Variants in KAT6B observed in about 807,000 individuals in gnomAD.
KAT6B encodes the protein lysine acetyltransferase 6B.
Under a neutral mutation model 187.5 loss-of-function variants are expected in KAT6B, and 10 were observed. That is an observed-to-expected ratio of 0.05 (90% confidence interval 0.03 to 0.09). The LOEUF (loss-of-function observed/expected upper bound fraction) is 0.09. Among genes scored for constraint, KAT6B ranks in the 10% least tolerant of loss-of-function variants. The probability of loss-of-function intolerance (pLI) is 1.00; values close to 1 mark genes in which losing one functional copy is unlikely to be tolerated. For synonymous variants in KAT6B, 861 were observed against 926.8 expected (o/e 0.93, Z 1.29); for missense variants, 1,952 against 2,558.9 (o/e 0.76, Z 5.12).
intron 13 of KAT6B, among the ~76,000 whole-genome samples, chr10:75,019,104 C>T (rs567129253): frequency 1.3e-5 from 2 of 152,316 alleles, no homozygotes; most frequent in African/African-American, 4.8e-5. Flanking sequence ...GTTAGCATTC[C>T]TGACACACTG....
intron 3 of KAT6B, among the ~76,000 whole-genome samples, chr10:74,919,242 AT>A (rs1199731094): frequency 3.3e-5 from 5 of 151,582 alleles, no homozygotes; most frequent in African/African-American, 9.7e-5. Context: ...ATATATATAT[AT>A]TTTTTTCCTC....
At chr10:74,895,361 A>ATAT (rs10693929) in intron 3 of KAT6B, among the ~76,000 whole-genome samples, 12,975 of 149,440 alleles carry the variant, frequency 0.087, 1,088 homozygotes, top group African/African-American at 0.21. Flanking sequence ...CCCTTTAATC[A>ATAT]TATTATTATT....
chr10:74,963,555 A>T (rs1459726203), intron 4 of KAT6B, among the ~76,000 whole-genome samples: 1 of 152,150 alleles, frequency 6.6e-6, no homozygotes, highest in Non-Finnish European at 1.5e-5. Flanking sequence ...GGAGTAGAAT[A>T]TCAGTGCACC....
At chr10:74,906,261 G>A (rs1267947611) in intron 3 of KAT6B, among the ~76,000 whole-genome samples, 7 of 152,184 alleles carry the variant, frequency 4.6e-5, no homozygotes, top group African/African-American at 1.2e-4. Flanking sequence ...CTAGCTGGAC[G>A]TGGTGGTGCA....
chr10:74,990,928 AAATAGT>A (rs1368009160), intron 13 of KAT6B, among the ~76,000 whole-genome samples: 2 of 152,126 alleles, frequency 1.3e-5, no homozygotes, highest in African/African-American at 4.8e-5. Flanking sequence ...CCTTTTTCTC[AAATAGT>A]CTGAGCATGG....
At chr10:74,878,290 G>A (rs143354668) in intron 3 of KAT6B, among the ~76,000 whole-genome samples, 52 of 152,262 alleles carry the variant, frequency 3.4e-4, no homozygotes, top group Non-Finnish European at 6.3e-4. Flanking sequence ...CTTTTTGTAG[G>A]TATAGTACAG....
intron 3 of KAT6B, among the ~76,000 whole-genome samples, chr10:74,845,521 C>CAA (rs71024526): frequency 0.015 from 976 of 64,530 alleles, 27 homozygotes; most frequent in African/African-American, 0.044. Flanking sequence ...GACTCTGTCT[C>CAA]AAAAAAAAAA....
intron 3 of KAT6B, among the ~76,000 whole-genome samples, chr10:74,899,716 C>T (rs1383763318): frequency 2.0e-5 from 3 of 152,114 alleles, no homozygotes; most frequent in Admixed American, 6.5e-5. Context: ...TCCTCTACTC[C>T]TGAGTAAGTA....
chr10:74,896,751 A>T (rs143458674), intron 3 of KAT6B, among the ~76,000 whole-genome samples: 49 of 152,302 alleles, frequency 3.2e-4, no homozygotes, highest in African/African-American at 1.1e-3. Context: ...ATGAACTTAC[A>T]TTGGGTTGCC....
At chr10:74,884,902 G>A (rs760177647) in intron 3 of KAT6B, among the ~76,000 whole-genome samples, 14 of 151,828 alleles carry the variant, frequency 9.2e-5, no homozygotes, top group Non-Finnish European at 1.6e-4. Context: ...TTGGAGCAGC[G>A]CTATCCTAAA....
At position 75,029,603 on chromosome 10, in the gene KAT6B, G is replaced by A; in HGVS notation, c.4779G>A (p.Gln1593=). ...CCACCACGCTCGACGATTGCCAACA[G>A]TCGGACCACAGTAGCCCAGTTTCAT... ...QIATTLDDCQ[Q]SDHSSPVSSV... The change falls in exon 18 of 18, where the codon CAG becomes CAA. Residue 1593 remains glutamine, a synonymous_variant. Transcript: ENST00000287239. The surrounding 1 kb of genome is among the most constrained non-coding windows in gnomAD (Gnocchi z 6.2). 6.2e-7 allele frequency: 1 copy of A among 1,614,118 alleles called. No homozygotes were observed. The highest frequency in any genetic ancestry group is 1.1e-5 in the South Asian group (1 of 91,068).
chr10:75,009,773 GGGCA>G (rs1844467657), intron 13 of KAT6B, among the ~76,000 whole-genome samples: 1 of 152,052 alleles, frequency 6.6e-6, no homozygotes, highest in Admixed American at 6.6e-5. Flanking sequence ...TGGGAGGCTG[GGGCA>G]GGCAGATCAC....
At chr10:74,863,829 G>T (rs560932295) in intron 3 of KAT6B, among the ~76,000 whole-genome samples, 6 of 152,186 alleles carry the variant, frequency 3.9e-5, no homozygotes, top group Non-Finnish European at 8.8e-5. Context: ...GCTTCTTAGG[G>T]AAGTTGGAGG....
At chr10:75,008,191 T>C (rs530877804) in intron 13 of KAT6B, among the ~76,000 whole-genome samples, 4 of 152,314 alleles carry the variant, frequency 2.6e-5, no homozygotes, top group African/African-American at 9.6e-5. Flanking sequence ...AATATTTAAC[T>C]GTGAGCCCGA....
intron 3 of KAT6B, among the ~76,000 whole-genome samples, chr10:74,926,561 GAC>G (rs1848518074): frequency 2.0e-5 from 3 of 152,228 alleles, no homozygotes; most frequent in Non-Finnish European, 4.4e-5. Context: ...TAAATAACCT[GAC>G]GGAGGTCCTT....
In KAT6B at chr10:74,826,625, GACA is replaced by G. The variant is rs764639166; in HGVS notation, c.-482_-480del. 6 of 153,322 alleles carry G rather than the reference GACA, an allele frequency of 3.9e-5. No individual in the cohort carries two copies. In the South Asian group the frequency reaches 9.1e-4, roughly 23 times the overall value. 9.5% of individuals were successfully genotyped at this position (153,322 alleles called of 1,614,324 possible). A position where few individuals can be genotyped will look rare whatever the true frequency, so the allele number is the denominator to read the frequency against. ...AGTGTCATGTCGGATTCATGTCAACGACAACAACAGGGGGACACAAAATGGCGG... is the reference window on the plus strand; with the variant it reads ...AGTGTCATGTCGGATTCATGTCAACGACAACAGGGGGACACAAAATGGCGG... On this transcript the variant is annotated 5_prime_UTR_variant, in exon 1 of 18. Coordinates refer to ENST00000287239, the MANE Select transcript of KAT6B (RefSeq NM_012330.4).
chr10:74,938,593 G>A (rs1350637241), intron 3 of KAT6B, among the ~76,000 whole-genome samples: 1 of 152,178 alleles, frequency 6.6e-6, no homozygotes, highest in African/African-American at 2.4e-5. Context: ...ATTATTCTTT[G>A]TTGTGACACT....
At chr10:74,862,287 G>T (rs1009109210) in intron 3 of KAT6B, among the ~76,000 whole-genome samples, 1 of 152,150 alleles carries the variant, frequency 6.6e-6, no homozygotes, top group Non-Finnish European at 1.5e-5. Flanking sequence ...GGTTCAAGGA[G>T]CCCTTTTTTC....
intron 12 of KAT6B, 47 bp from the exon 13 acceptor site, chr10:74,988,972 A>T (rs760062112): frequency 3.0e-6 from 4 of 1,342,334 alleles, no homozygotes; most frequent in Non-Finnish European, 4.3e-6. Flanking sequence ...GGAATTGCCC[A>T]CTTCAGCAGG....
Sources: allele counts gnomAD v4.1 joint callset (sites outside exome capture counted in the v4.1 genomes callset), GRCh38; gene constraint gnomAD v4.1.1; non-coding constraint Gnocchi (gnomAD v3.1); transcripts MANE v1.5; gene names NCBI Gene and HGNC (gene_info 2026-07-23, HGNC 2026-07-21).